POLR1A: variants seen among roughly 807,000 people sequenced by gnomAD.
POLR1A encodes DNA-directed RNA polymerase I subunit RPA1.
Under a neutral mutation model 205.3 loss-of-function variants are expected in POLR1A, and 84 were observed. The ratio of observed to expected loss-of-function variants is 0.41; its 90% CI spans 0.34 to 0.49. POLR1A has a LOEUF of 0.49. Among genes scored for constraint, POLR1A ranks in the 20% least tolerant of loss-of-function variants. The probability of loss-of-function intolerance (pLI) is 0.22; values close to 1 mark genes in which losing one functional copy is unlikely to be tolerated. For missense variants in POLR1A, 1,645 were observed against 2,204.5 expected, an observed-to-expected ratio of 0.75 and a Z score of 5.08; for synonymous variants, 799 against 863.7, an observed-to-expected ratio of 0.93 and a Z score of 1.31.
chr2:86,033,901 G>C, intron 27 of POLR1A, 114 bp from the exon 28 acceptor site: 1 of 1,318,480 alleles, frequency 7.6e-7, no homozygotes, highest in Non-Finnish European at 1.0e-6. Context: ...GCACGAGATG[G>C]AGGCCCAGCC....
Position 86,038,681 on chromosome 2 carries a change from T to G in POLR1A, c.4034+19A>C. On this transcript the variant is annotated intron_variant, in intron 27 of 33. Coordinates refer to ENST00000263857, the MANE Select transcript of POLR1A (RefSeq NM_015425.6). Reference sequence around the variant, plus strand: ...TTCTCTGGGTCAAGGTCAATGACAATCACAGCCTGAGCCCTGACCTTGTTT... The same window carrying G: ...TTCTCTGGGTCAAGGTCAATGACAAGCACAGCCTGAGCCCTGACCTTGTTT... 6.2e-7 allele frequency: 1 copy of G among 1,611,726 alleles called. No individual in the cohort carries two copies.
intron 31 of POLR1A, among the ~76,000 whole-genome samples, chr2:86,029,747 T>C (rs1013357978): frequency 1.3e-5 from 2 of 151,508 alleles, no homozygotes; most frequent in African/African-American, 2.4e-5. Flanking sequence ...CAGGCACCCG[T>C]CACCATGCCC....
chr2:86,054,048 G>C, intron 15 of POLR1A, 92 bp downstream of exon 15: 2 of 1,283,556 alleles, frequency 1.6e-6, no homozygotes, highest in South Asian at 1.3e-5. Flanking sequence ...ACCTGCTTCT[G>C]TGAATGTGCC....
At chr2:86,071,098 T>C (rs532261972) in intron 12 of POLR1A, among the ~76,000 whole-genome samples, 2 of 148,856 alleles carry the variant, frequency 1.3e-5, no homozygotes, top group East Asian at 2.0e-4. Context: ...ATAAGGTAAA[T>C]GTATACAAGG....
At chr2:86,036,770 T>C (rs1245756553) in intron 27 of POLR1A, among the ~76,000 whole-genome samples, 1 of 152,232 alleles carries the variant, frequency 6.6e-6, no homozygotes, top group Non-Finnish European at 1.5e-5. Flanking sequence ...CAAAAGCTAC[T>C]GCGCATGGCT....
chr2:86,045,475 C>T (rs979809989), intron 20 of POLR1A, 115 bp from the exon 21 acceptor site: 2 of 1,260,030 alleles, frequency 1.6e-6, no homozygotes, highest in Non-Finnish European at 2.3e-6. Context: ...ACTCCCTTCC[C>T]TGATCTCCTA....
In POLR1A at chr2:86,022,412, G is replaced by A. The variant is rs1427861993; in HGVS notation, c.*5011C>T. On this transcript the variant is annotated 3_prime_UTR_variant, in exon 34 of 34. Coordinates refer to ENST00000263857, the MANE Select transcript of POLR1A (RefSeq NM_015425.6). Reference sequence around the variant, plus strand: ...ATCCTACTGCAGAAACCTAGGGCCAGTGACTCCTTGAGATGTCATCGTACC... The same window carrying A: ...ATCCTACTGCAGAAACCTAGGGCCAATGACTCCTTGAGATGTCATCGTACC... The A allele has an allele frequency of 6.6e-6, 1 of 152,264 alleles. No homozygotes were observed. The highest frequency in any genetic ancestry group is 1.5e-5 in the Non-Finnish European group (1 of 68,060). 9.4% of individuals were successfully genotyped at this position (152,264 alleles called of 1,614,324 possible).
At chr2:86,097,310 A>G (rs1464807788) in intron 3 of POLR1A, among the ~76,000 whole-genome samples, 1 of 151,020 alleles carries the variant, frequency 6.6e-6, no homozygotes, top group African/African-American at 2.4e-5. Context: ...GTAAACTAGT[A>G]TAGCCACTAC....
chr2:86,038,271 AC>A (rs535837098), intron 27 of POLR1A, among the ~76,000 whole-genome samples: 6 of 152,334 alleles, frequency 3.9e-5, no homozygotes, highest in African/African-American at 1.2e-4. Context: ...TTCATTATTC[AC>A]AGAATCTAAA....
In POLR1A at chr2:86,047,108, A is replaced by G; in HGVS notation, c.2733+57T>C. The G allele has an allele frequency of 5.1e-6, 6 of 1,170,720 alleles. No homozygotes were observed. The Middle Eastern group carries it at 9.9e-4, about 193-fold the overall frequency. The allele number at this position is 1,170,720 out of a possible 1,614,324, so 72.5% of individuals were successfully genotyped here. A position where few individuals can be genotyped will look rare whatever the true frequency, so the allele number is the denominator to read the frequency against. On this transcript the variant is annotated intron_variant, in intron 19 of 33. Coordinates refer to ENST00000263857, the MANE Select transcript of POLR1A (RefSeq NM_015425.6). ...GAACAAACTGAAACCACCTCCTGCT[A>G]TCCCCCACCTGCCTTTGCTGACACC...
Position 86,049,078 on chromosome 2 carries a change from C to T in POLR1A, c.2476-36G>A, listed in dbSNP as rs775116762. 3 of 1,613,860 alleles carry T rather than the reference C, an allele frequency of 1.9e-6. No homozygotes were observed. In the South Asian group the frequency reaches 3.3e-5, roughly 18 times the overall value. On this transcript the variant is annotated intron_variant, in intron 17 of 33. Transcript: ENST00000263857. The stretch of plus-strand genomic sequence containing the variant: ...AACAGAAACACAGCGGAGGCTGAGG[C>T]CAAACGACGAGAGTGTGGGTTTTGA...
chr2:86,028,248 C>T lies in POLR1A; in HGVS notation c.4898-199G>A, dbSNP rs1672307143. Among the ~76,000 whole-genome samples the T allele has an allele frequency of 6.6e-6, 1 of 152,212 alleles. No homozygotes were observed. Among genetic ancestry groups the T allele is most frequent in the African/African-American group, 2.4e-5 (1 of 41,458 alleles). On this transcript the variant is annotated intron_variant, in intron 32 of 33. Transcript: ENST00000263857. The surrounding 1 kb of genome is among the most constrained non-coding windows in gnomAD (Gnocchi z 4.5). ...ATCTTTCCCTGACCCCTGCATCCTG[C>T]TTCCCGCTTCCTTCCAGCAGCACAG...
Position 86,027,523 on chromosome 2 carries a change from C to T in POLR1A, c.5063G>A (p.Gly1688Glu), listed in dbSNP as rs771079145. 3 of 1,613,506 alleles carry T rather than the reference C, an allele frequency of 1.9e-6. No individual in the cohort carries two copies. Among genetic ancestry groups the T allele is most frequent in the Admixed American group, 1.7e-5 (1 of 60,020 alleles). The stretch of plus-strand genomic sequence containing the variant: ...AGGAGACCTCAGCTCATCGTGGGAT[C>T]CTGACAGAGACACAAAAACATGTGT... ...FQFLKQATML[G>E]SHDELRSPSA... Residue 1688 changes from glycine (G) to glutamate (E), a missense_variant and splice_region_variant, in exon 34 of 34, where the codon GGA (glycine) becomes GAA (glutamate). By Grantham distance (98) the Gly-to-Glu change is moderately conservative. Around this residue, in one of 16 missense-constraint regions of POLR1A, gnomAD observed 86 missense variants for 149.8 expected, o/e 0.57. Coordinates refer to ENST00000263857, the MANE Select transcript of POLR1A (RefSeq NM_015425.6).
intron 12 of POLR1A, among the ~76,000 whole-genome samples, chr2:86,073,518 C>T (rs996893329): frequency 2.6e-5 from 4 of 152,220 alleles, no homozygotes; most frequent in Non-Finnish European, 4.4e-5. Flanking sequence ...CAGCACCTGG[C>T]TCACAGTTGC....
In POLR1A at chr2:86,020,927, C is replaced by A. The variant is rs1690122311; in HGVS notation, c.*6496G>T. 6.6e-6 allele frequency: 1 copy of A among 152,204 alleles called. No homozygotes were observed. The highest frequency in any genetic ancestry group is 1.5e-5 in the Non-Finnish European group (1 of 68,020). 9.4% of individuals were successfully genotyped at this position (152,204 alleles called of 1,614,324 possible). ...AATTTAATGAACACAATTAATTTTA[C>A]CACCATTTTACATAAAAGGAAACTG... On this transcript the variant is annotated 3_prime_UTR_variant, in exon 34 of 34. Transcript: ENST00000263857.
intron 8 of POLR1A, 26 bp from the exon 9 acceptor site, chr2:86,081,004 G>T (rs1371730740): frequency 1.9e-6 from 3 of 1,592,472 alleles, no homozygotes; most frequent in Non-Finnish European, 2.6e-6. Context: ...CGGAATAAAT[G>T]AATGTTTAGT....
chr2:86,043,408 T>C (rs534752343), intron 22 of POLR1A, among the ~76,000 whole-genome samples: 1 of 152,104 alleles, frequency 6.6e-6, no homozygotes, highest in Admixed American at 6.5e-5. Flanking sequence ...TGGGAACCAA[T>C]GGTCTTGGGA....
Position 86,083,172 on chromosome 2 carries a change from G to A in POLR1A, c.731-4C>T, listed in dbSNP as rs1234414045. The stretch of plus-strand genomic sequence containing the variant: ...CCTATCTGAGCTTCCTCAATTCCTG[G>A]AGCCAAGGAGGAGAATCAAAGTGCA... On this transcript the variant is annotated splice_region_variant and splice_polypyrimidine_tract_variant and intron_variant, in intron 6 of 33. Transcript: ENST00000263857. The A allele has an allele frequency of 3.1e-6, 5 of 1,607,526 alleles. No homozygotes were observed. Among genetic ancestry groups the A allele is most frequent in the Middle Eastern group, 1.7e-4 (1 of 6,048 alleles).
chr2:86,100,949 C>T (rs1673809201), intron 1 of POLR1A, among the ~76,000 whole-genome samples: 1 of 152,092 alleles, frequency 6.6e-6, no homozygotes, highest in African/African-American at 2.4e-5. Flanking sequence ...CCAGGTGACA[C>T]AAATACAAAC....
Sources: allele counts gnomAD v4.1 joint callset (sites outside exome capture counted in the v4.1 genomes callset), GRCh38; gene constraint gnomAD v4.1.1; regional missense constraint gnomAD v4.1.1; non-coding constraint Gnocchi (gnomAD v3.1); transcripts MANE v1.5; gene names NCBI Gene and HGNC (gene_info 2026-07-23, HGNC 2026-07-21).